Variants in POC1B observed in about 807,000 individuals in gnomAD.
The protein encoded by POC1B is POC1 centriolar protein B, also known as POC1 centriolar protein homolog B.
Under a neutral mutation model 60.6 loss-of-function variants are expected in POC1B, and 44 were observed. The ratio of observed to expected loss-of-function variants is 0.73; its 90% confidence interval spans 0.57 to 0.93. The LOEUF (loss-of-function observed/expected upper bound fraction) is 0.93, where lower values mean the gene tolerates loss of function less well. POC1B is among the 40% of genes least tolerant of loss of function. The pLI is 0.00. For synonymous variants in POC1B, 180 were observed against 198.9 expected (o/e 0.90, Z 0.80); for missense variants, 555 against 572.3 (o/e 0.97, Z 0.31).
intron 10 of POC1B, among the ~76,000 whole-genome samples, chr12:89,440,782 G>T (rs920015719): frequency 6.6e-6 from 1 of 152,222 alleles, no homozygotes; most frequent in Non-Finnish European, 1.5e-5. Flanking sequence ...TCGGACAGTG[G>T]GTGCAGCCCA....
chr12:89,495,439 A>G (rs886652295), intron 3 of POC1B, among the ~76,000 whole-genome samples: 62 of 152,228 alleles, frequency 4.1e-4, no homozygotes, highest in African/African-American at 1.4e-3. Context: ...GAATATATTC[A>G]GATTTCTCAG....
At position 89,497,294 on chromosome 12, in the gene POC1B, T is replaced by G. The variant is rs773630909; in HGVS notation, c.149A>C (p.His50Pro). Reference sequence around the variant, plus strand: ...ACCCACATATCTGTAAGCTCTAGCATGTGGCTTGAAATTCCATAGCATGAG... The same window carrying G: ...ACCCACATATCTGTAAGCTCTAGCAGGTGGCTTGAAATTCCATAGCATGAG... ...TFLMLWNFKP[H>P]ARAYRYVGHK... is the part of the protein sequence containing the mutation. Residue 50 changes from histidine (H) to proline (P), a missense_variant, in exon 3 of 12, where the codon CAT becomes CCT. By Grantham distance (77) the His-to-Pro change is moderately conservative. Coordinates refer to ENST00000313546, the MANE Select transcript of POC1B (RefSeq NM_172240.3). 1.9e-6 allele frequency: 3 copies of G among 1,612,876 alleles called. No homozygotes were observed. In the African/African-American group the frequency reaches 4.0e-5, roughly 22 times the overall value.
chr12:89,510,010 T>TC (rs1555186148), intron 2 of POC1B, among the ~76,000 whole-genome samples: 1 of 72,256 alleles, frequency 1.4e-5, no homozygotes, highest in Admixed American at 1.2e-4. Context: ...CACACTCAGT[T>TC]AATTTTTTTT....
chr12:89,483,146 C>T (rs112511312), intron 4 of POC1B, among the ~76,000 whole-genome samples: 29,173 of 152,060 alleles, frequency 0.19, 3,231 homozygotes, highest in South Asian at 0.36. Flanking sequence ...AGGTGATCCA[C>T]CCACCTTGGC....
At chr12:89,430,260 AT>A (rs1880975353) in intron 10 of POC1B, among the ~76,000 whole-genome samples, 1 of 152,210 alleles carries the variant, frequency 6.6e-6, no homozygotes, top group Non-Finnish European at 1.5e-5. Flanking sequence ...TGAGAACTGA[AT>A]ACAAAACATA....
intron 10 of POC1B, chr12:89,429,475 G>A (rs1012639224): frequency 5.3e-5 from 8 of 152,270 alleles, no homozygotes; most frequent in Non-Finnish European, 1.0e-4. Context: ...TAAGATTCCT[G>A]GCTGATAGAA....
chr12:89,424,962 T>C (rs1204542610), intron 11 of POC1B, among the ~76,000 whole-genome samples, 199 bp downstream of exon 11: 1 of 152,230 alleles, frequency 6.6e-6, no homozygotes. Context: ...AGTGTGTGTG[T>C]GTGTGCACGT....
At chr12:89,493,727 G>A (rs74619278) in intron 3 of POC1B, among the ~76,000 whole-genome samples, 1 of 152,284 alleles carries the variant, frequency 6.6e-6, no homozygotes, top group African/African-American at 2.4e-5. Context: ...AATCTGCCCT[G>A]ATTTTTAGTT....
chr12:89,442,550 A>G (rs1881572729), intron 10 of POC1B, among the ~76,000 whole-genome samples: 1 of 152,240 alleles, frequency 6.6e-6, no homozygotes, highest in Non-Finnish European at 1.5e-5. Flanking sequence ...CAGACAAGCA[A>G]TGCTGAGGGA....
At chr12:89,416,458 GA>G (rs1289159773), downstream of POC1B, among the ~76,000 whole-genome samples, 1 of 152,202 alleles carries the variant, frequency 6.6e-6, no homozygotes, top group African/African-American at 2.4e-5. Flanking sequence ...AAGGGATAAA[GA>G]ATGTAGAAAA....
At chr12:89,424,304 G>C (rs956666529) in intron 11 of POC1B, among the ~76,000 whole-genome samples, 5 of 152,220 alleles carry the variant, frequency 3.3e-5, no homozygotes, top group African/African-American at 4.8e-5. Context: ...TGGACTCTCT[G>C]GAGGTGAAAA....
Position 89,523,453 on chromosome 12 carries a change from T to C in POC1B, c.100+1667A>G, listed in dbSNP as rs201453476. 340 of 1,614,126 alleles carry C rather than the reference T, an allele frequency of 2.1e-4. 1 individual carries two copies. The highest frequency in any genetic ancestry group is 6.6e-4 in the Middle Eastern group (4 of 6,062). ...ATTGGGGCGAGCATATGGTGCCCGCTTGGGGAACACATGGCCCACGTGGGA... is the reference window on the plus strand; with the variant it reads ...ATTGGGGCGAGCATATGGTGCCCGCCTGGGGAACACATGGCCCACGTGGGA... On this transcript the variant is annotated intron_variant, in intron 2 of 11. Coordinates refer to ENST00000313546, the MANE Select transcript of POC1B (RefSeq NM_172240.3).
chr12:89,525,430 T>A, intron 1 of POC1B: 1 of 1,380,346 alleles, frequency 7.2e-7, no homozygotes, highest in Non-Finnish European at 9.3e-7. Context: ...CAAAACGCTC[T>A]GTTCGCGCTT....
chr12:89,517,644 A>AG (rs1870509235), intron 2 of POC1B, among the ~76,000 whole-genome samples: 3 of 151,904 alleles, frequency 2.0e-5, no homozygotes, highest in African/African-American at 7.3e-5. Flanking sequence ...AAAAAAAAAA[A>AG]GAAAAAAGCA....
Position 89,500,963 on chromosome 12 carries a change from A to C in POC1B, c.101-3621T>G, listed in dbSNP as rs921309973. ...TTGTTAGGCATGGAGGAATTGTTCCACCTCATTCGTGTCCTCCCGATGATA... is the reference window on the plus strand; with the variant it reads ...TTGTTAGGCATGGAGGAATTGTTCCCCCTCATTCGTGTCCTCCCGATGATA... On this transcript the variant is annotated intron_variant, in intron 2 of 11. Transcript: ENST00000313546. 1.5e-5 allele frequency: 13 copies of C among 888,652 alleles called. No individual in the cohort carries two copies. The African/African-American group carries it at 2.1e-4, about 15-fold the overall frequency. 55.0% of individuals were successfully genotyped at this position (888,652 alleles called of 1,614,324 possible).
chr12:89,464,483 GTTTTTTTTTTTTTT>G (rs766668019), intron 9 of POC1B, among the ~76,000 whole-genome samples: 6 of 94,724 alleles, frequency 6.3e-5, no homozygotes, highest in Non-Finnish European at 1.1e-4. Context: ...TTTTATAAGA[GTTTTTTTTTTTTTT>G]TTTTTTTTGA....
chr12:89,470,400 G>C lies in POC1B; in HGVS notation c.771C>G (p.Leu257=). 6.3e-7 allele frequency: 1 copy of C among 1,595,826 alleles called. No individual in the cohort carries two copies. Residue 257 remains leucine, a synonymous_variant, in exon 7 of 12, where the codon CTC becomes CTG. Transcript: ENST00000313546. ...GTGTATAGATGAGCCTTCCTTCTAA[G>C]AGGTCCAGAATCTTAAGGGTACCAT... is the stretch of plus-strand genomic sequence containing the variant. The part of the protein sequence containing the change: ...SSDGTLKILD[L]LEGRLIYTLQ...
intron 11 of POC1B, among the ~76,000 whole-genome samples, chr12:89,423,522 A>T (rs1880632243): frequency 6.6e-6 from 1 of 151,822 alleles, no homozygotes; most frequent in African/African-American, 2.4e-5. Flanking sequence ...ACACTGGTTA[A>T]CTCCATCTGT....
downstream of POC1B, among the ~76,000 whole-genome samples, chr12:89,416,447 G>A (rs1880366319): frequency 6.6e-6 from 1 of 152,192 alleles, no homozygotes; most frequent in South Asian, 2.1e-4. Flanking sequence ...GATTGTGGGG[G>A]AAGGGATAAA....
Sources: allele counts gnomAD v4.1 joint callset (sites outside exome capture counted in the v4.1 genomes callset), GRCh38; gene constraint gnomAD v4.1.1; transcripts MANE v1.5; gene names NCBI Gene and HGNC (gene_info 2026-07-23, HGNC 2026-07-21).